KCNJ6: variants seen among roughly 807,000 people sequenced by gnomAD.
KCNJ6 encodes the protein potassium inwardly rectifying channel subfamily J member 6.
In KCNJ6, 9 loss-of-function variants were observed where a neutral mutation model predicts 34.2. That is an observed-to-expected ratio of 0.26 (90% CI 0.16 to 0.46). The LOEUF is 0.46. KCNJ6 is among the 20% of genes least tolerant of loss of function. The pLI, the probability that KCNJ6 is intolerant of heterozygous loss-of-function variation, is 1.00. For synonymous variants in KCNJ6, 196 were observed against 207.1 expected, an observed-to-expected ratio of 0.95 and a Z score of 0.46; for missense variants, 236 against 531.3, an observed-to-expected ratio of 0.44 and a Z score of 5.46.
At chr21:37,801,584 G>A (rs913504432) in intron 2 of KCNJ6, among the ~76,000 whole-genome samples, 3 of 152,148 alleles carry the variant, frequency 2.0e-5, no homozygotes, top group Admixed American at 1.3e-4. Context: ...ACTGGGTAAC[G>A]CTGAGCGAAT....
At chr21:37,726,732 T>C (rs1392541428) in intron 2 of KCNJ6, among the ~76,000 whole-genome samples, 1 of 152,234 alleles carries the variant, frequency 6.6e-6, no homozygotes, top group Non-Finnish European at 1.5e-5. Context: ...TCCCCTAATA[T>C]GCTTCTACCA....
chr21:37,708,870 T>G (rs2054735219), intron 3 of KCNJ6, among the ~76,000 whole-genome samples: 1 of 152,200 alleles, frequency 6.6e-6, no homozygotes, highest in Non-Finnish European at 1.5e-5. Flanking sequence ...ATGCTTACCC[T>G]CAGCAGTCTT....
chr21:37,847,725 G>A (rs1394031332), intron 1 of KCNJ6, among the ~76,000 whole-genome samples: 3 of 150,758 alleles, frequency 2.0e-5, no homozygotes, highest in Non-Finnish European at 4.4e-5. Context: ...GGAACAGAGG[G>A]AGCAAAGAGA....
At chr21:37,878,636 C>A (rs539594534) in intron 1 of KCNJ6, among the ~76,000 whole-genome samples, 57 of 152,372 alleles carry the variant, frequency 3.7e-4, no homozygotes, top group African/African-American at 1.3e-3. Context: ...AACTTGTGTG[C>A]TCCAAGCATG....
At chr21:37,697,927 C>T (rs1158391175) in intron 3 of KCNJ6, among the ~76,000 whole-genome samples, 4 of 152,050 alleles carry the variant, frequency 2.6e-5, no homozygotes, top group African/African-American at 4.8e-5. Flanking sequence ...GGACCTTTAA[C>T]GTTCAAATGC....
chr21:37,833,888 G>T (rs963162502), intron 2 of KCNJ6, among the ~76,000 whole-genome samples: 2 of 152,174 alleles, frequency 1.3e-5, no homozygotes, highest in African/African-American at 4.8e-5. Flanking sequence ...ATTTGCATTT[G>T]AACCAATTGT....
chr21:37,711,216 C>T (rs1410702996), intron 3 of KCNJ6, among the ~76,000 whole-genome samples: 1 of 152,242 alleles, frequency 6.6e-6, no homozygotes, highest in Admixed American at 6.5e-5. Context: ...TCGCCTGCAC[C>T]GGGCCTGAGC....
chr21:37,635,786 G>T (rs2054355020), intron 3 of KCNJ6, among the ~76,000 whole-genome samples: 1 of 152,166 alleles, frequency 6.6e-6, no homozygotes, highest in Admixed American at 6.5e-5. Context: ...CAAAGTGTTG[G>T]GATTACAGGC....
chr21:37,727,458 C>CGT (rs33993661), intron 2 of KCNJ6, among the ~76,000 whole-genome samples: 113,700 of 148,038 alleles, frequency 0.77, 44,023 homozygotes, highest in Non-Finnish European at 0.85. Context: ...TGAGGACTCA[C>CGT]GTGTGTGTGT....
chr21:37,677,376 G>GT, intron 3 of KCNJ6, among the ~76,000 whole-genome samples: 1 of 152,290 alleles, frequency 6.6e-6, no homozygotes, highest in Non-Finnish European at 1.5e-5. Context: ...TTTATTTTCA[G>GT]TTTTTTGGGG....
intron 3 of KCNJ6, among the ~76,000 whole-genome samples, chr21:37,667,530 G>T: frequency 6.6e-6 from 1 of 151,732 alleles, no homozygotes; most frequent in East Asian, 1.9e-4. Flanking sequence ...CGCCGGGGTA[G>T]CGGGGTCCGG....
intron 1 of KCNJ6, among the ~76,000 whole-genome samples, chr21:37,860,752 G>C (rs1443172145): frequency 6.6e-6 from 1 of 152,102 alleles, no homozygotes; most frequent in Non-Finnish European, 1.5e-5. Flanking sequence ...CCAGGTCATG[G>C]TTACAATGTC....
intron 1 of KCNJ6, among the ~76,000 whole-genome samples, chr21:37,906,784 A>C (rs1326412003): frequency 1.3e-5 from 2 of 152,184 alleles, no homozygotes; most frequent in Non-Finnish European, 2.9e-5. Flanking sequence ...CTCTCTTCCA[A>C]TGACAACACA....
At position 37,649,748 on chromosome 21, in the gene KCNJ6, A is replaced by G. The variant is rs1413157677; in HGVS notation, c.947-24264T>C. 2.6e-5 allele frequency among the ~76,000 whole-genome samples: 4 copies of G among 152,128 alleles called. No individual in the cohort carries two copies. In the East Asian group the frequency reaches 7.8e-4, roughly 29 times the overall value. Reference sequence around the variant, plus strand: ...AGCTGAGCTTCTTCACTTATTTCCTATCTGTTTGTTCTATGTCTCTAAATA... The same window carrying G: ...AGCTGAGCTTCTTCACTTATTTCCTGTCTGTTTGTTCTATGTCTCTAAATA... On this transcript the variant is annotated intron_variant, in intron 3 of 3. Transcript: ENST00000609713.
chr21:37,766,168 T>C (rs1436213493), intron 2 of KCNJ6, among the ~76,000 whole-genome samples: 1 of 152,238 alleles, frequency 6.6e-6, no homozygotes, highest in African/African-American at 2.4e-5. Flanking sequence ...CAGTACTGTA[T>C]GGTTCGGGAA....
chr21:37,770,857 TATC>T (rs2055114608), intron 2 of KCNJ6, among the ~76,000 whole-genome samples: 2 of 152,214 alleles, frequency 1.3e-5, no homozygotes, highest in African/African-American at 2.4e-5. Flanking sequence ...CCTATCTAAT[TATC>T]ATCTATTAAT....
chr21:37,789,542 C>G (rs541770491), intron 2 of KCNJ6, among the ~76,000 whole-genome samples: 1 of 152,290 alleles, frequency 6.6e-6, no homozygotes, highest in South Asian at 2.1e-4. Flanking sequence ...TGAAATGACC[C>G]AGGCTATGGT....
chr21:37,744,813 T>C (rs542413313), intron 2 of KCNJ6, among the ~76,000 whole-genome samples: 1 of 152,246 alleles, frequency 6.6e-6, no homozygotes, highest in Non-Finnish European at 1.5e-5. Context: ...AATCACAAAT[T>C]AGGATGGAGG....
chr21:37,818,211 C>CGTGCGT (rs2055356860), intron 2 of KCNJ6, among the ~76,000 whole-genome samples: 1 of 148,216 alleles, frequency 6.7e-6, no homozygotes, highest in African/African-American at 2.5e-5. Context: ...TGTGTGCGTG[C>CGTGCGT]GTGTGTGTGT....
Sources: gnomAD v4.1 joint callset for allele counts (sites outside exome capture counted in the v4.1 genomes callset) on GRCh38, gnomAD v4.1.1 for gene constraint, MANE v1.5 for transcripts, NCBI Gene and HGNC (gene_info 2026-07-23, HGNC 2026-07-21) for gene names.